The following CEP112 variants were observed in gnomAD, a reference collection of about 807,000 sequenced individuals.
The protein encoded by CEP112 is centrosomal protein of 112 kDa.
In CEP112, 127 loss-of-function variants were observed where a neutral mutation model predicts 153.0. The observed-to-expected ratio is 0.83, with a 90% confidence interval of 0.72 to 0.96. CEP112 has a LOEUF of 0.96. Ranked by LOEUF, CEP112 falls within the 40% of genes least tolerant of loss-of-function variation. CEP112 has a pLI of 0.00. For synonymous variants in CEP112, 358 were observed against 374.4 expected (o/e 0.96, Z 0.51); for missense variants, 1,089 against 1,101.2 (o/e 0.99, Z 0.16).
intron 24 of CEP112, among the ~76,000 whole-genome samples, chr17:65,667,890 C>T (rs1054975073): frequency 1.3e-4 from 18 of 137,478 alleles, no homozygotes; most frequent in African/African-American, 5.2e-4. Context: ...GCGCCACTCC[C>T]TTGGGCACTT....
chr17:66,109,258 A>G (rs1024522647), intron 6 of CEP112, among the ~76,000 whole-genome samples: 3 of 152,162 alleles, frequency 2.0e-5, no homozygotes, highest in African/African-American at 7.2e-5. Flanking sequence ...TTAAATAACT[A>G]TAAGAGTGTA....
At chr17:65,768,905 C>T (rs1245543166) in intron 21 of CEP112, among the ~76,000 whole-genome samples, 1 of 152,046 alleles carries the variant, frequency 6.6e-6, no homozygotes, top group Non-Finnish European at 1.5e-5. Context: ...AGCACTTCTA[C>T]TTAGCAGAGT....
chr17:65,822,015 A>T (rs1266731874), intron 21 of CEP112, among the ~76,000 whole-genome samples: 3 of 152,154 alleles, frequency 2.0e-5, no homozygotes, highest in African/African-American at 7.2e-5. Flanking sequence ...CAAAATTTTT[A>T]AAATATTTAA....
chr17:66,184,635 G>A (rs2072854018), intron 1 of CEP112, among the ~76,000 whole-genome samples: 1 of 152,144 alleles, frequency 6.6e-6, no homozygotes, highest in Admixed American at 6.5e-5. Flanking sequence ...AAACTCTCAT[G>A]CATTGCTGGT....
chr17:66,042,743 CA>C (rs2066039030), intron 12 of CEP112, among the ~76,000 whole-genome samples: 1 of 151,940 alleles, frequency 6.6e-6, no homozygotes, highest in Non-Finnish European at 1.5e-5. Context: ...AAAAGTGTAC[CA>C]AGATAACCTA....
At chr17:65,825,214 G>A (rs576482644) in intron 21 of CEP112, among the ~76,000 whole-genome samples, 1 of 152,210 alleles carries the variant, frequency 6.6e-6, no homozygotes, top group Non-Finnish European at 1.5e-5. Context: ...TATGGTAAGT[G>A]AAATAAGTCA....
chr17:65,644,475 A>C lies in CEP112; in HGVS notation c.2698-3410T>G. On this transcript the variant is annotated intron_variant, in intron 24 of 26. Coordinates refer to ENST00000535342, the MANE Select transcript of CEP112 (RefSeq NM_001199165.4). ...TTGAGGATTCGGTCTTCTCACGTGA[A>C]ACTGGATGGCAGCCAGCTCATACAG... 5 of 364,126 alleles carry C rather than the reference A, an allele frequency of 1.4e-5. No individual in the cohort carries two copies. In the South Asian group the frequency reaches 1.5e-4, roughly 11 times the overall value. 22.6% of individuals were successfully genotyped at this position (364,126 alleles called of 1,614,324 possible). A position where few individuals can be genotyped will look rare whatever the true frequency, so the allele number is the denominator to read the frequency against.
chr17:65,688,231 T>C (rs551195180), intron 24 of CEP112: 13 of 152,364 alleles, frequency 8.5e-5, no homozygotes, highest in African/African-American at 3.1e-4. Context: ...AAAGAAAATG[T>C]GATTTATGCC....
intron 23 of CEP112, among the ~76,000 whole-genome samples, chr17:65,737,710 A>G (rs1348005927): frequency 3.3e-5 from 5 of 152,344 alleles, no homozygotes; most frequent in South Asian, 4.1e-4. Context: ...ACACAGAGAC[A>G]CTACAAGTCA....
chr17:65,971,286 T>G (rs2062779017), intron 17 of CEP112, among the ~76,000 whole-genome samples: 1 of 152,206 alleles, frequency 6.6e-6, no homozygotes, highest in Non-Finnish European at 1.5e-5. Flanking sequence ...CACATGCACA[T>G]AACAAATATG....
At chr17:66,079,286 T>C (rs2067623951) in intron 8 of CEP112, among the ~76,000 whole-genome samples, 1 of 152,096 alleles carries the variant, frequency 6.6e-6, no homozygotes, top group Non-Finnish European at 1.5e-5. Context: ...CTCTTGCATA[T>C]GTATATCAGG....
At chr17:66,187,429 A>C (rs1384592285) in intron 1 of CEP112, among the ~76,000 whole-genome samples, 1 of 152,154 alleles carries the variant, frequency 6.6e-6, no homozygotes, top group East Asian at 1.9e-4. Flanking sequence ...TGATCCACTA[A>C]TTGCCAAATC....
intron 23 of CEP112, among the ~76,000 whole-genome samples, chr17:65,699,051 T>A (rs2048492699): frequency 6.6e-6 from 1 of 152,250 alleles, no homozygotes; most frequent in Admixed American, 6.5e-5. Context: ...ATTTCTTCCA[T>A]GAAATATTTC....
chr17:65,937,631 C>T (rs1370056546), intron 18 of CEP112, among the ~76,000 whole-genome samples: 1 of 99,860 alleles, frequency 1.0e-5, no homozygotes, highest in Non-Finnish European at 2.1e-5. Flanking sequence ...GGGTCAGCCC[C>T]CCGCCCGGCC....
chr17:66,030,200 GCATACTA>G (rs1267250047), intron 12 of CEP112, among the ~76,000 whole-genome samples, 177 bp from the exon 13 acceptor site: 1 of 152,068 alleles, frequency 6.6e-6, no homozygotes, highest in Non-Finnish European at 1.5e-5. Context: ...AAAAAACAAT[GCATACTA>G]CCAGAAAAAT....
At chr17:65,960,593 A>G (rs2062164185) in intron 18 of CEP112, among the ~76,000 whole-genome samples, 1 of 152,204 alleles carries the variant, frequency 6.6e-6, no homozygotes, top group Non-Finnish European at 1.5e-5. Context: ...TGTGTACTTT[A>G]TCATTGCTAG....
At chr17:66,066,717 C>T (rs2067133624) in intron 10 of CEP112, 61 bp downstream of exon 10, 3 of 1,154,796 alleles carry the variant, frequency 2.6e-6, no homozygotes, top group Non-Finnish European at 3.5e-6. Context: ...ATTTTTTTCT[C>T]CACATCACTA....
intron 15 of CEP112, among the ~76,000 whole-genome samples, 197 bp from the exon 16 acceptor site, chr17:66,027,757 T>C (rs1249116133): frequency 2.0e-5 from 3 of 152,196 alleles, no homozygotes; most frequent in Non-Finnish European, 4.4e-5. Flanking sequence ...CACCTGAAGA[T>C]ATTACTATTC....
intron 25 of CEP112, among the ~76,000 whole-genome samples, chr17:65,640,154 A>ATATATATATATATATATTTTT (rs1300751452): frequency 1.3e-5 from 1 of 78,346 alleles, no homozygotes; most frequent in African/African-American, 7.0e-5. Flanking sequence ...ATATATATAT[A>ATATATATATATATATATTTTT]TTTTTTTTTT....
Sources: allele counts gnomAD v4.1 joint callset (sites outside exome capture counted in the v4.1 genomes callset), GRCh38; gene constraint gnomAD v4.1.1; transcripts MANE v1.5; gene names NCBI Gene and HGNC (gene_info 2026-07-23, HGNC 2026-07-21).